The following LCN10 variants were observed in gnomAD, a reference collection of about 807,000 sequenced individuals.
LCN10 encodes the protein lipocalin 10.
Under a neutral mutation model 25.1 loss-of-function variants are expected in LCN10, and 18 were observed. The ratio of observed to expected loss-of-function variants is 0.72; its 90% CI spans 0.50 to 1.06. The LOEUF (loss-of-function observed/expected upper bound fraction) is 1.06. Among genes scored for constraint, LCN10 ranks in the 50% least tolerant of loss-of-function variants. The pLI is 0.00. For synonymous variants in LCN10, 130 were observed against 116.7 expected (o/e 1.11, Z -0.73); for missense variants, 257 against 258.9 (o/e 0.99, Z 0.05).
chr9:136,740,688 G>A lies in LCN10; in HGVS notation c.475+148C>T. The A allele has an allele frequency of 1.6e-6, 1 of 611,494 alleles. No homozygotes were observed. The highest frequency in any genetic ancestry group is 2.9e-6 in the Non-Finnish European group (1 of 348,848). The allele number at this position is 611,494 out of a possible 1,614,324, so 37.9% of individuals were successfully genotyped here. A position where few individuals can be genotyped will look rare whatever the true frequency, so the allele number is the denominator to read the frequency against. ...CCAGGACCTGACTGCTGTGGTCTCG[G>A]CTTCCATTGCCCCTGCCCTGACCAC... On this transcript the variant is annotated intron_variant, in intron 4 of 5. Coordinates refer to ENST00000497771, the MANE Select transcript of LCN10 (RefSeq NM_001001712.3). This position sits in a 1 kb window ranked among gnomAD's most constrained non-coding sequence, Gnocchi z 5.3.
chr9:136,741,440 C>G, intron 2 of LCN10, 79 bp from the exon 3 acceptor site: 1 of 1,151,922 alleles, frequency 8.7e-7, no homozygotes, highest in Non-Finnish European at 1.3e-6. Context: ...CCCACCCACA[C>G]GTCTCGGTCC....
At position 136,741,331 on chromosome 9, in the gene LCN10, G is replaced by A. The variant is rs777669413; in HGVS notation, c.288C>T (p.Ile96=). The part of the protein sequence containing the change: ...RLKGCQSQEV[I]LRKDGKKPVF... ...CCGGCTTCTTCCCGTCTTTCCTCAG[G>A]ATCACCTCCTGGGACTGGCACCCCT... Residue 96 remains isoleucine, a synonymous_variant, in exon 3 of 6, where the codon ATC becomes ATT. Transcript: ENST00000497771. 3.1e-6 allele frequency: 5 copies of A among 1,613,014 alleles called. No individual in the cohort carries two copies. The highest frequency in any genetic ancestry group is 4.2e-6 in the Non-Finnish European group (5 of 1,179,774).
Position 136,742,188 on chromosome 9 carries a change from G to A in LCN10, c.118-168C>T. 5.0e-6 allele frequency: 4 copies of A among 799,402 alleles called. No individual in the cohort carries two copies. The Admixed American group carries it at 8.3e-5, about 17-fold the overall frequency. The allele number at this position is 799,402 out of a possible 1,614,324, so 49.5% of individuals were successfully genotyped here. On this transcript the variant is annotated intron_variant, in intron 1 of 5. Coordinates refer to ENST00000497771, the MANE Select transcript of LCN10 (RefSeq NM_001001712.3). The stretch of plus-strand genomic sequence containing the variant: ...CCGGCCACTCAAGCCCTGGCCACTG[G>A]AGCAGGGCTGCAGAGAAGCAGGTGC...
chr9:136,741,189 C>T (rs1846924996), intron 3 of LCN10, 63 bp downstream of exon 3: 11 of 1,449,102 alleles, frequency 7.6e-6, no homozygotes, highest in Admixed American at 5.3e-5. Flanking sequence ...GGGGCCTGCT[C>T]AAGGCACAGG....
chr9:136,742,918 C>G lies in LCN10; in HGVS notation c.-15G>C. The G allele has an allele frequency of 1.2e-6, 2 of 1,611,954 alleles. No individual in the cohort carries two copies. The highest frequency in any genetic ancestry group is 2.2e-5 in the South Asian group (2 of 90,896). On this transcript the variant is annotated 5_prime_UTR_variant, in exon 1 of 6. Transcript: ENST00000497771. Reference sequence around the variant, plus strand: ...CCCTGCCTCATCTTCACCCTCCTCCCTCAGCCGCCAAGGCCAGTGTTTAAA... The same window carrying G: ...CCCTGCCTCATCTTCACCCTCCTCCGTCAGCCGCCAAGGCCAGTGTTTAAA...
Position 136,740,958 on chromosome 9 carries a change from C to T in LCN10, c.368-15G>A. The T allele has an allele frequency of 6.2e-7, 1 of 1,600,188 alleles. No individual in the cohort carries two copies. Among genetic ancestry groups the T allele is most frequent in the Non-Finnish European group, 8.6e-7 (1 of 1,168,026 alleles). Reference sequence around the variant, plus strand: ...CACCCCTTTCACTGAAAGAGATGCCCAGAGATGCCCGCTGGTTCCCGGATG... The same window carrying T: ...CACCCCTTTCACTGAAAGAGATGCCTAGAGATGCCCGCTGGTTCCCGGATG... On this transcript the variant is annotated splice_polypyrimidine_tract_variant and intron_variant, in intron 3 of 5. Transcript: ENST00000497771. The surrounding 1 kb of genome is among the most constrained non-coding windows in gnomAD (Gnocchi z 5.3).
Position 136,740,205 on chromosome 9 carries a change from C to T in LCN10, c.476-157G>A, listed in dbSNP as rs373669424. On this transcript the variant is annotated intron_variant, in intron 4 of 5. Transcript: ENST00000497771. This position sits in a 1 kb window ranked among gnomAD's most constrained non-coding sequence, Gnocchi z 5.3. ...AGGGGAGGACAGCGGCCGCTGGGCC[C>T]CTCCCCACTTACGAGGCAGCCAGGC... 2.6e-4 allele frequency: 169 copies of T among 644,764 alleles called. 1 individual carries two copies. The East Asian group carries it at 2.8e-3, about 11-fold the overall frequency. The allele number at this position is 644,764 out of a possible 1,614,324, so 39.9% of individuals were successfully genotyped here.
rs1476992164 is a variant in LCN10, at chr9:136,739,706, C to T, written c.575-153G>A. ...CATGCAGCCCCCGATCCTGCAGCCA[C>T]AGCCACGGCATCGCCTGGTCGGATG... On this transcript the variant is annotated intron_variant, in intron 5 of 5. Coordinates refer to ENST00000497771, the MANE Select transcript of LCN10 (RefSeq NM_001001712.3). This position sits in a 1 kb window ranked among gnomAD's most constrained non-coding sequence, Gnocchi z 6.1. Among the ~76,000 whole-genome samples, 1 of 152,222 alleles carries T rather than the reference C, an allele frequency of 6.6e-6. No individual in the cohort carries two copies. The highest frequency in any genetic ancestry group is 2.4e-5 in the African/African-American group (1 of 41,460).
At position 136,739,161 on chromosome 9, in the gene LCN10, A is replaced by C; in HGVS notation, c.*364T>G. 1 of 269,806 alleles carries C rather than the reference A, an allele frequency of 3.7e-6. No homozygotes were observed. The highest frequency in any genetic ancestry group is 7.3e-6 in the Non-Finnish European group (1 of 137,740). The allele number at this position is 269,806 out of a possible 1,614,324, so 16.7% of individuals were successfully genotyped here. A position where few individuals can be genotyped will look rare whatever the true frequency, so the allele number is the denominator to read the frequency against. ...CTTCCTGAGAAAGTGCAGGATGTAA[A>C]GGAACGCGGAGGGTGGCGGCGGCGT... On this transcript the variant is annotated 3_prime_UTR_variant, in exon 6 of 6. Transcript: ENST00000497771. This position sits in a 1 kb window ranked among gnomAD's most constrained non-coding sequence, Gnocchi z 6.1.
At chr9:136,741,570 G>A (rs2131070525) in intron 2 of LCN10, 1 of 605,740 alleles carries the variant, frequency 1.7e-6, no homozygotes, top group African/African-American at 1.8e-5. Context: ...ATTCGGACTG[G>A]GGCCTGTCCC....
intron 3 of LCN10, 131 bp downstream of exon 3, chr9:136,741,121 G>T: frequency 9.9e-7 from 1 of 1,011,402 alleles, no homozygotes; most frequent in Non-Finnish European, 1.5e-6. Context: ...CACATGACGT[G>T]TGGGCTCTGG....
In LCN10 at chr9:136,739,650, G is replaced by T. The variant is rs367635724; in HGVS notation, c.575-97C>A. On this transcript the variant is annotated intron_variant, in intron 5 of 5. Transcript: ENST00000497771. This position sits in a 1 kb window ranked among gnomAD's most constrained non-coding sequence, Gnocchi z 6.1. ...CCCCGGCCGCTCCCTGGTTCCATGC[G>T]TGCTCGTCTTGGGCACCACGAGAAC... 58 of 1,192,286 alleles carry T rather than the reference G, an allele frequency of 4.9e-5. No homozygotes were observed. The African/African-American group carries it at 8.0e-4, about 17-fold the overall frequency. The allele number at this position is 1,192,286 out of a possible 1,614,324, so 73.9% of individuals were successfully genotyped here. A position where few individuals can be genotyped will look rare whatever the true frequency, so the allele number is the denominator to read the frequency against.
In LCN10 at chr9:136,740,494, G is replaced by A. The variant is rs928170687; in HGVS notation, c.475+342C>T. 2.2e-6 allele frequency: 1 copy of A among 452,566 alleles called. No homozygotes were observed. Among genetic ancestry groups the A allele is most frequent in the Non-Finnish European group, 4.0e-6 (1 of 248,360 alleles). 28.0% of individuals were successfully genotyped at this position (452,566 alleles called of 1,614,324 possible). A position where few individuals can be genotyped will look rare whatever the true frequency, so the allele number is the denominator to read the frequency against. ...TCACTTCCACACCCCTCCATCCCGG[G>A]CAGACCCTTACCTGGGACCCCTCCC... On this transcript the variant is annotated intron_variant, in intron 4 of 5. Transcript: ENST00000497771. The surrounding 1 kb of genome is among the most constrained non-coding windows in gnomAD (Gnocchi z 5.3).
At chr9:136,742,358 C>T in intron 1 of LCN10, 1 of 413,518 alleles carries the variant, frequency 2.4e-6, no homozygotes, top group South Asian at 3.4e-5. Flanking sequence ...TCCTGCCGGC[C>T]CCCGGCCCCC....
At position 136,740,127 on chromosome 9, in the gene LCN10, C is replaced by T. The variant is rs545482355; in HGVS notation, c.476-79G>A. 23 of 955,888 alleles carry T rather than the reference C, an allele frequency of 2.4e-5. No homozygotes were observed. In the East Asian group the frequency reaches 5.8e-4, roughly 24 times the overall value. 59.2% of individuals were successfully genotyped at this position (955,888 alleles called of 1,614,324 possible). A position where few individuals can be genotyped will look rare whatever the true frequency, so the allele number is the denominator to read the frequency against. ...TCTGCACCCTGACCCCCATCCCTAC[C>T]CCAGGAGCTGCTGAAATGTCCTCAG... On this transcript the variant is annotated intron_variant, in intron 4 of 5. Transcript: ENST00000497771. The surrounding 1 kb of genome is among the most constrained non-coding windows in gnomAD (Gnocchi z 5.3).
In LCN10 at chr9:136,742,933, C is replaced by T. The variant is rs1846973909; in HGVS notation, c.-30G>A. On this transcript the variant is annotated 5_prime_UTR_variant, in exon 1 of 6. Transcript: ENST00000497771. ...ACCCTCCTCCCTCAGCCGCCAAGGCCAGTGTTTAAACCTCTCTGGAGCCGC... is the reference window on the plus strand; with the variant it reads ...ACCCTCCTCCCTCAGCCGCCAAGGCTAGTGTTTAAACCTCTCTGGAGCCGC... The T allele has an allele frequency of 1.9e-6, 3 of 1,608,872 alleles. No homozygotes were observed. The highest frequency in any genetic ancestry group is 2.5e-6 in the Non-Finnish European group (3 of 1,178,020).
rs1846876077 is a variant in LCN10, at chr9:136,738,986, G to A, written c.*539C>T. On this transcript the variant is annotated 3_prime_UTR_variant, in exon 6 of 6. Transcript: ENST00000497771. ...CTAGGGTCTATACTCGAGTATCCAGGTGACCACACTGCTGAAGTTGGCTTC... is the reference window on the plus strand; with the variant it reads ...CTAGGGTCTATACTCGAGTATCCAGATGACCACACTGCTGAAGTTGGCTTC... The A allele has an allele frequency of 5.5e-6, 1 of 180,884 alleles. No individual in the cohort carries two copies. The highest frequency in any genetic ancestry group is 5.4e-5 in the Admixed American group (1 of 18,384). The allele number at this position is 180,884 out of a possible 1,614,324, so 11.2% of individuals were successfully genotyped here.
At chr9:136,742,578 C>A in intron 1 of LCN10, 6 of 611,860 alleles carry the variant, frequency 9.8e-6, no homozygotes, top group Non-Finnish European at 1.1e-5. Flanking sequence ...CCCCCTGGGC[C>A]CCCGAACCCC....
chr9:136,739,355 T>G lies in LCN10; in HGVS notation c.*170A>C. The G allele has an allele frequency of 1.5e-6, 1 of 679,490 alleles. No individual in the cohort carries two copies. Among genetic ancestry groups the G allele is most frequent in the South Asian group, 1.8e-5 (1 of 55,706 alleles). 42.1% of individuals were successfully genotyped at this position (679,490 alleles called of 1,614,324 possible). ...CAGCCTGTATCCTCCTTCCCCCATC[T>G]TTCTGTGATCATAAAGGATCCCTTG... On this transcript the variant is annotated 3_prime_UTR_variant, in exon 6 of 6. Coordinates refer to ENST00000497771, the MANE Select transcript of LCN10 (RefSeq NM_001001712.3). This position sits in a 1 kb window ranked among gnomAD's most constrained non-coding sequence, Gnocchi z 6.1.
Sources: gnomAD v4.1 joint callset for allele counts (sites outside exome capture counted in the v4.1 genomes callset) on GRCh38, gnomAD v4.1.1 for gene constraint, Gnocchi (gnomAD v3.1) non-coding constraint, MANE v1.5 for transcripts, NCBI Gene and HGNC (gene_info 2026-07-23, HGNC 2026-07-21) for gene names.